The following ZNF491 variants were observed in gnomAD, a reference collection of about 807,000 sequenced individuals.
ZNF491 encodes the protein zinc finger protein 491.
ZNF491 carries 22 observed loss-of-function variants against 34.7 expected under a neutral mutation model. The ratio of observed to expected loss-of-function variants is 0.63; its 90% CI spans 0.45 to 0.90. The LOEUF is 0.90. ZNF491 is among the 40% of genes least tolerant of loss of function. The pLI is 0.00. For missense variants in ZNF491, 559 were observed against 531.7 expected (o/e 1.05, Z -0.51); for synonymous variants, 148 against 174.3 (o/e 0.85, Z 1.19).
rs763851509 is a variant in ZNF491 at position 11,807,062 on chromosome 19, T to C, written c.1109T>C (p.Phe370Ser). The C allele has an allele frequency of 2.5e-6, 4 of 1,608,804 alleles. No homozygotes were observed. In the Admixed American group the frequency reaches 6.8e-5, roughly 27 times the overall value. Reference protein sequence around the residue: ...CGKAFHCVSSFHRHERTHAGE... With the variant: ...CGKAFHCVSSSHRHERTHAGE... ...AAAGCATTTCATTGTGTCAGCTCCT[T>C]TCATAGACATGAAAGGACTCACGCT... The change falls in exon 3 of 3, where the codon TTT (phenylalanine) becomes TCT (serine). Residue 370 changes from phenylalanine (F) to serine (S), a missense_variant. Coordinates refer to ENST00000323169, the MANE Select transcript of ZNF491 (RefSeq NM_152356.4).
Position 11,807,308 on chromosome 19 carries a change from G to T in ZNF491, c.*41G>T. On this transcript the variant is annotated 3_prime_UTR_variant, in exon 3 of 3. Transcript: ENST00000323169. ...TTAATTTTTATTTTAATAGAGACAG[G>T]GTCTCACTATCTTGTCCAGGTTGGT... 2 of 1,429,326 alleles carry T rather than the reference G, an allele frequency of 1.4e-6. No individual in the cohort carries two copies. Among genetic ancestry groups the T allele is most frequent in the African/African-American group, 1.4e-5 (1 of 69,048 alleles). 88.5% of individuals were successfully genotyped at this position (1,429,326 alleles called of 1,614,324 possible). A position where few individuals can be genotyped will look rare whatever the true frequency, so the allele number is the denominator to read the frequency against.
intron 1 of ZNF491, among the ~76,000 whole-genome samples, chr19:11,802,383 T>C (rs1438155322): frequency 6.6e-6 from 1 of 152,210 alleles, no homozygotes; most frequent in African/African-American, 2.4e-5. Flanking sequence ...AAATTCTTTA[T>C]ATTTGCTGAA....
At position 11,808,368 on chromosome 19, in the gene ZNF491, C is replaced by T. The variant is rs1401813126; in HGVS notation, c.*1101C>T. 6.9e-6 allele frequency among the ~76,000 whole-genome samples: 1 copy of T among 145,356 alleles called. No individual in the cohort carries two copies. On this transcript the variant is annotated 3_prime_UTR_variant, in exon 3 of 3. Transcript: ENST00000323169. ...CTGTACTCCAGCCTGGACAAGAGAG[C>T]AATACTCTGTCTCAAAAAAAAAAAA...
chr19:11,801,937 T>C (rs1342945797), intron 1 of ZNF491, among the ~76,000 whole-genome samples: 3 of 152,246 alleles, frequency 2.0e-5, no homozygotes, highest in Non-Finnish European at 2.9e-5. Flanking sequence ...GATTGGCATT[T>C]AGGTTGATCT....
chr19:11,803,276 C>T (rs992841759), intron 1 of ZNF491, among the ~76,000 whole-genome samples: 1 of 152,114 alleles, frequency 6.6e-6, no homozygotes, highest in Non-Finnish European at 1.5e-5. Flanking sequence ...AGCTACCATA[C>T]CTGGCCATAA....
intron 1 of ZNF491, among the ~76,000 whole-genome samples, chr19:11,800,313 C>G (rs1975545055): frequency 6.6e-6 from 1 of 152,054 alleles, no homozygotes; most frequent in African/African-American, 2.4e-5. Flanking sequence ...CTAGTTCTTC[C>G]CAGGTATGAC....
intron 1 of ZNF491, 106 bp from the exon 2 acceptor site, chr19:11,804,436 A>G (rs1000574970): frequency 2.5e-5 from 33 of 1,330,048 alleles, no homozygotes; most frequent in Admixed American, 2.2e-4. Context: ...GGCAGGGAAT[A>G]AATGTTTGGA....
At chr19:11,805,104 T>C (rs1426689874) in intron 2 of ZNF491, among the ~76,000 whole-genome samples, 2 of 152,182 alleles carry the variant, frequency 1.3e-5, no homozygotes, top group African/African-American at 2.4e-5. Flanking sequence ...AATAGCTTAC[T>C]TGGAAATAGT....
intron 1 of ZNF491, among the ~76,000 whole-genome samples, chr19:11,803,431 A>G (rs547643453): frequency 1.3e-5 from 2 of 152,326 alleles, no homozygotes; most frequent in Non-Finnish European, 2.9e-5. Context: ...TATCATTTGT[A>G]TATTACTATT....
At position 11,806,369 on chromosome 19, in the gene ZNF491, C is replaced by G. The variant is rs983730667; in HGVS notation, c.416C>G (p.Ala139Gly). Residue 139 changes from alanine to glycine, a missense_variant, in exon 3 of 3, where the codon GCC becomes GGC. Physicochemically the swap from Ala to Gly is moderately conservative, Grantham distance 60. Transcript: ENST00000323169. ...TATAAATGTAAGTTTTGTGGGAAAG[C>G]CTTGGATTGTCTCAGTTTATACCTT... ...GPYKCKFCGK[A>G]LDCLSLYLTH... is the part of the protein sequence containing the mutation. 8 of 1,613,582 alleles carry G rather than the reference C, an allele frequency of 5.0e-6. No individual in the cohort carries two copies. Among genetic ancestry groups the G allele is most frequent in the Non-Finnish European group, 5.9e-6 (7 of 1,179,798 alleles).
At chr19:11,800,622 G>A (rs1383992997) in intron 1 of ZNF491, among the ~76,000 whole-genome samples, 1 of 150,968 alleles carries the variant, frequency 6.6e-6, no homozygotes, top group African/African-American at 2.4e-5. Context: ...CTGGGTTCAA[G>A]CGATTCCCCT....
At chr19:11,802,615 C>T (rs910260216) in intron 1 of ZNF491, among the ~76,000 whole-genome samples, 25 of 152,120 alleles carry the variant, frequency 1.6e-4, no homozygotes, top group African/African-American at 5.8e-4. Flanking sequence ...TTGTCTTACC[C>T]CAGTATTATT....
At chr19:11,801,448 A>G (rs2145096724) in intron 1 of ZNF491, among the ~76,000 whole-genome samples, 1 of 152,114 alleles carries the variant, frequency 6.6e-6, no homozygotes, top group South Asian at 2.1e-4. Context: ...TGAGGTCAGG[A>G]GTTCAAGACC....
chr19:11,805,048 C>T (rs1026991662), intron 2 of ZNF491, among the ~76,000 whole-genome samples: 2 of 152,054 alleles, frequency 1.3e-5, no homozygotes, highest in Admixed American at 6.6e-5. Flanking sequence ...AAAGTTTTCT[C>T]GAAAAACATA....
chr19:11,806,004 T>C lies in ZNF491; in HGVS notation c.51T>C (p.Thr17=). Residue 17 remains threonine (T), a synonymous_variant, in exon 3 of 3, where the codon ACT becomes ACC. Transcript: ENST00000323169. ...ESAEGSQCGE[T]FTQVPEDMLN... is the part of the protein sequence containing the mutation. Reference sequence around the variant, plus strand: ...CAGAAGGTAGTCAGTGTGGAGAAACTTTCACCCAGGTTCCGGAAGACATGC... The same window carrying C: ...CAGAAGGTAGTCAGTGTGGAGAAACCTTCACCCAGGTTCCGGAAGACATGC... The C allele has an allele frequency of 1.2e-6, 2 of 1,610,920 alleles. No individual in the cohort carries two copies. The highest frequency in any genetic ancestry group is 1.7e-6 in the Non-Finnish European group (2 of 1,178,648).
At chr19:11,799,499 G>A (rs1268293572) in intron 1 of ZNF491, among the ~76,000 whole-genome samples, 1 of 75,494 alleles carries the variant, frequency 1.3e-5, no homozygotes, top group Non-Finnish European at 2.2e-5. Flanking sequence ...CGCCCCCATA[G>A]AGCTTTTTTT....
chr19:11,807,314 A>C lies in ZNF491; in HGVS notation c.*47A>C. On this transcript the variant is annotated 3_prime_UTR_variant, in exon 3 of 3. Coordinates refer to ENST00000323169, the MANE Select transcript of ZNF491 (RefSeq NM_152356.4). ...TTTATTTTAATAGAGACAGGGTCTC[A>C]CTATCTTGTCCAGGTTGGTCTTGAA... 4 of 1,412,886 alleles carry C rather than the reference A, an allele frequency of 2.8e-6. No individual in the cohort carries two copies. The highest frequency in any genetic ancestry group is 3.8e-6 in the Non-Finnish European group (4 of 1,063,018). The allele number at this position is 1,412,886 out of a possible 1,614,324, so 87.5% of individuals were successfully genotyped here.
chr19:11,801,104 C>T (rs1305813632), intron 1 of ZNF491, among the ~76,000 whole-genome samples: 3 of 151,702 alleles, frequency 2.0e-5, no homozygotes, highest in Non-Finnish European at 4.4e-5. Context: ...TTTGGCAGGC[C>T]GAGGTGGGAG....
At position 11,806,135 on chromosome 19, in the gene ZNF491, G is replaced by A; in HGVS notation, c.182G>A (p.Gly61Glu). The A allele has an allele frequency of 1.2e-6, 2 of 1,613,866 alleles. No homozygotes were observed. Among genetic ancestry groups the A allele is most frequent in the Non-Finnish European group, 1.7e-6 (2 of 1,180,014 alleles). ...AATAGGAACATCAGAACTGACACTG[G>A]ACACCAACCACATAAGTGTCAGAAA... ...SFNRNIRTDT[G>E]HQPHKCQKFL... Residue 61 changes from glycine (G) to glutamate (E), a missense_variant, in exon 3 of 3, where the codon GGA (glycine) becomes GAA (glutamate). Physicochemically the swap from Gly to Glu is moderately conservative, Grantham distance 98. Transcript: ENST00000323169.
Sources: allele counts gnomAD v4.1 joint callset (sites outside exome capture counted in the v4.1 genomes callset), GRCh38; gene constraint gnomAD v4.1.1; transcripts MANE v1.5; gene names NCBI Gene and HGNC (gene_info 2026-07-23, HGNC 2026-07-21).